ANO4: variants seen among roughly 807,000 people sequenced by gnomAD.
ANO4 encodes anoctamin 4.
Under a neutral mutation model 141.9 loss-of-function variants are expected in ANO4, and 69 were observed. The observed-to-expected ratio is 0.49, with a 90% CI of 0.40 to 0.59. ANO4 has a LOEUF of 0.59. Among genes scored for constraint, ANO4 ranks in the 20% least tolerant of loss-of-function variants. The pLI is 0.00. For synonymous variants in ANO4, 350 were observed against 394.3 expected, an observed-to-expected ratio of 0.89 and a Z score of 1.33; for missense variants, 894 against 1,162.2, an observed-to-expected ratio of 0.77 and a Z score of 3.36.
intron 2 of ANO4, among the ~76,000 whole-genome samples, chr12:100,734,464 G>A (rs984101752): frequency 6.6e-6 from 1 of 152,170 alleles, no homozygotes; most frequent in Non-Finnish European, 1.5e-5. Flanking sequence ...GTTGGGCAGT[G>A]ACTTAGAGAT....
chr12:100,997,644 GGT>G (rs2045449890), intron 8 of ANO4, among the ~76,000 whole-genome samples: 1 of 152,104 alleles, frequency 6.6e-6, no homozygotes, highest in Non-Finnish European at 1.5e-5. Context: ...TATCTGTAAT[GGT>G]TGACGAATAA....
intron 1 of ANO4, among the ~76,000 whole-genome samples, chr12:100,724,024 A>AAAAC (rs111544156): frequency 0.57 from 85,756 of 151,512 alleles, 25,593 homozygotes; most frequent in African/African-American, 0.75. Context: ...AAACAAACAA[A>AAAAC]AAACAAAAAA....
intron 5 of ANO4, among the ~76,000 whole-genome samples, chr12:100,961,535 C>CT (rs1329644132): frequency 3.9e-5 from 6 of 152,126 alleles, no homozygotes; most frequent in Non-Finnish European, 8.8e-5. Context: ...AAGAAATAAA[C>CT]TTTATCATGG....
At chr12:100,944,136 C>T (rs146935184) in intron 5 of ANO4, among the ~76,000 whole-genome samples, 73 of 152,180 alleles carry the variant, frequency 4.8e-4, no homozygotes, top group African/African-American at 1.2e-3. Context: ...GTGATTTATT[C>T]GTTAGAACTT....
intron 22 of ANO4, among the ~76,000 whole-genome samples, chr12:101,108,811 A>G (rs2050550853): frequency 6.6e-6 from 1 of 152,154 alleles, no homozygotes; most frequent in Non-Finnish European, 1.5e-5. Context: ...CAAGTTGCAA[A>G]AAGAGTAGTT....
intron 3 of ANO4, among the ~76,000 whole-genome samples, chr12:100,765,379 C>CTTTTTTTTTTTTTTTTTTTTTTTTTTT (rs71091461): frequency 8.0e-6 from 1 of 125,400 alleles, no homozygotes; most frequent in Non-Finnish European, 1.6e-5. Context: ...TTCTTTCTTT[C>CTTTTTTTTTTTTTTTTTTTTTTTTTTT]TTTTTTTTTT....
At chr12:100,966,248 A>G (rs1016914443) in intron 5 of ANO4, among the ~76,000 whole-genome samples, 4 of 152,204 alleles carry the variant, frequency 2.6e-5, no homozygotes, top group Non-Finnish European at 5.9e-5. Context: ...CAACAAGCAT[A>G]TTTTTAGATT....
At chr12:100,920,302 T>C (rs2041571633) in intron 2 of ANO4, among the ~76,000 whole-genome samples, 1 of 152,182 alleles carries the variant, frequency 6.6e-6, no homozygotes, top group Non-Finnish European at 1.5e-5. Flanking sequence ...TACACCTCAA[T>C]AGCTGTGTGA....
At chr12:101,070,384 T>C (rs572914435) in intron 14 of ANO4, among the ~76,000 whole-genome samples, 1 of 152,290 alleles carries the variant, frequency 6.6e-6, no homozygotes, top group South Asian at 2.1e-4. Context: ...AGTGAACTCA[T>C]TTTTGACAAA....
At chr12:100,896,744 A>G (rs2040372205) in intron 1 of ANO4, among the ~76,000 whole-genome samples, 1 of 152,230 alleles carries the variant, frequency 6.6e-6, no homozygotes, top group Admixed American at 6.5e-5. Flanking sequence ...AAGCCAAAGC[A>G]AGAGTTTAAA....
At chr12:100,847,473 T>A in intron 1 of ANO4, among the ~76,000 whole-genome samples, 1 of 75,536 alleles carries the variant, frequency 1.3e-5, no homozygotes, top group East Asian at 3.5e-4. Flanking sequence ...GTGGCCAAGA[T>A]AATTTTTTTT....
intron 1 of ANO4, among the ~76,000 whole-genome samples, chr12:100,884,789 C>T (rs1003437356): frequency 1.3e-5 from 2 of 152,160 alleles, no homozygotes; most frequent in African/African-American, 4.8e-5. Flanking sequence ...CTGCCTCCCG[C>T]ATTCAAGCGA....
chr12:100,756,777 G>A (rs1267485115), intron 3 of ANO4, among the ~76,000 whole-genome samples: 1 of 151,994 alleles, frequency 6.6e-6, no homozygotes. Context: ...TCTTTTCCTT[G>A]CCTAATCCTT....
At chr12:100,819,594 T>C (rs932367502) in intron 1 of ANO4, among the ~76,000 whole-genome samples, 1 of 151,980 alleles carries the variant, frequency 6.6e-6, no homozygotes, top group African/African-American at 2.4e-5. Context: ...AGGAAATGTA[T>C]ATTTTAAAAT....
Position 101,103,064 on chromosome 12 carries a change from C to T in ANO4, c.2149+3344C>T, listed in dbSNP as rs537959776. ...TGTTTTGTATGTTTGCTTATGCAAA[C>T]TTGCTAGCATCTAATGTCAATTAGA... is the stretch of plus-strand genomic sequence containing the variant. On this transcript the variant is annotated intron_variant, in intron 22 of 27. Coordinates refer to ENST00000392977, the MANE Select transcript of ANO4 (RefSeq NM_001286615.2). Among the ~76,000 whole-genome samples, 3 of 150,522 alleles carry T rather than the reference C, an allele frequency of 2.0e-5. No individual in the cohort carries two copies. In the South Asian group the frequency reaches 6.3e-4, roughly 31 times the overall value.
intron 22 of ANO4, among the ~76,000 whole-genome samples, chr12:101,102,915 G>C (rs1015963996): frequency 1.3e-5 from 2 of 151,398 alleles, no homozygotes; most frequent in African/African-American, 4.8e-5. Context: ...TTAGTATATA[G>C]GTTTTGTAAA....
intron 27 of ANO4, among the ~76,000 whole-genome samples, chr12:101,127,361 C>T (rs1265200159): frequency 6.6e-6 from 1 of 152,096 alleles, no homozygotes; most frequent in East Asian, 1.9e-4. Flanking sequence ...AACAAAGCGT[C>T]CTCTCTCTTT....
intron 5 of ANO4, among the ~76,000 whole-genome samples, chr12:100,958,430 G>A (rs1193823379): frequency 6.6e-6 from 1 of 152,136 alleles, no homozygotes; most frequent in African/African-American, 2.4e-5. Flanking sequence ...CACAATTCAA[G>A]GCACTTGGGA....
intron 1 of ANO4, among the ~76,000 whole-genome samples, chr12:100,823,560 A>G (rs1351377593): frequency 6.6e-6 from 1 of 152,060 alleles, no homozygotes; most frequent in African/African-American, 2.4e-5. Flanking sequence ...GGAAATTGCA[A>G]AAGGTTTACA....
Sources: gnomAD v4.1 joint callset for allele counts (sites outside exome capture counted in the v4.1 genomes callset) on GRCh38, gnomAD v4.1.1 for gene constraint, MANE v1.5 for transcripts, NCBI Gene and HGNC (gene_info 2026-07-23, HGNC 2026-07-21) for gene names.